Variants in IQSEC1 observed in about 807,000 individuals in gnomAD.
IQSEC1 encodes the protein IQ motif and Sec7 domain ArfGEF 1, also known as IQ motif and SEC7 domain-containing protein 1.
IQSEC1 carries 31 observed loss-of-function variants against 91.0 expected under a neutral mutation model. The ratio of observed to expected loss-of-function variants is 0.34; its 90% CI spans 0.26 to 0.46. IQSEC1 has a LOEUF of 0.46. IQSEC1 is among the 20% of genes least tolerant of loss of function. The probability of loss-of-function intolerance (pLI) is 1.00; values close to 1 mark genes in which losing one functional copy is unlikely to be tolerated. For missense variants in IQSEC1, 1,388 were observed against 1,575.6 expected, an observed-to-expected ratio of 0.88 and a Z score of 2.02; for synonymous variants, 699 against 662.6, an observed-to-expected ratio of 1.05 and a Z score of -0.84.
At chr3:13,094,006 G>A (rs1035348756) in intron 2 of IQSEC1, among the ~76,000 whole-genome samples, 2 of 152,152 alleles carry the variant, frequency 1.3e-5, no homozygotes, top group Non-Finnish European at 2.9e-5. Flanking sequence ...TTCCGGCTGG[G>A]GCCACTGAAC....
chr3:13,278,767 C>T (rs533166869), intron 1 of IQSEC1, among the ~76,000 whole-genome samples: 3 of 149,076 alleles, frequency 2.0e-5, no homozygotes, highest in East Asian at 2.0e-4. Context: ...TTCAGTGAGC[C>T]GAGATCACAT....
intron 1 of IQSEC1, among the ~76,000 whole-genome samples, chr3:13,256,940 G>A (rs1411684748): frequency 6.6e-6 from 1 of 152,106 alleles, no homozygotes; most frequent in Non-Finnish European, 1.5e-5. Context: ...CCCAAAAACA[G>A]GCCTGGAGCT....
Position 12,922,091 on chromosome 3 carries a change from G to A in IQSEC1, c.1853+29C>T. ...CTGGGGGACACCATTCTTCCCTGAT[G>A]CAGCAGCCCCAGCCAGCCCGGGCCC... On this transcript the variant is annotated intron_variant, in intron 5 of 13. Transcript: ENST00000613206. The surrounding 1 kb of genome is among the most constrained non-coding windows in gnomAD (Gnocchi z 5.1). The A allele has an allele frequency of 6.5e-7, 1 of 1,543,486 alleles. No homozygotes were observed. Among genetic ancestry groups the A allele is most frequent in the Non-Finnish European group, 8.8e-7 (1 of 1,138,030 alleles).
intron 1 of IQSEC1, among the ~76,000 whole-genome samples, chr3:13,172,445 A>G (rs1186300030): frequency 6.6e-6 from 1 of 152,232 alleles, no homozygotes; most frequent in African/African-American, 2.4e-5. Flanking sequence ...TGGTTCATCC[A>G]GACAATAGTG....
At chr3:13,247,188 A>G (rs1370156264) in intron 1 of IQSEC1, among the ~76,000 whole-genome samples, 1 of 150,904 alleles carries the variant, frequency 6.6e-6, no homozygotes, top group Non-Finnish European at 1.5e-5. Context: ...AACCACCTTC[A>G]CCTCCATCAT....
At chr3:12,938,330 A>G (rs1356259108) in intron 2 of IQSEC1, among the ~76,000 whole-genome samples, 5 of 152,192 alleles carry the variant, frequency 3.3e-5, no homozygotes, top group African/African-American at 1.2e-4. Context: ...AACTGAAATA[A>G]TGCCAAACAG....
At position 12,908,851 on chromosome 3, in the gene IQSEC1, C is replaced by T. The variant is rs921338225; in HGVS notation, c.2579-326G>A. Among the ~76,000 whole-genome samples, 1 of 151,904 alleles carries T rather than the reference C, an allele frequency of 6.6e-6. No individual in the cohort carries two copies. The highest frequency in any genetic ancestry group is 6.6e-5 in the Admixed American group (1 of 15,246). Reference sequence around the variant, plus strand: ...TAGCCAGGGTCTTCCACAGAGAGGGCAGTGGTAGGGAGTCCCATGTGCCTC... The same window carrying T: ...TAGCCAGGGTCTTCCACAGAGAGGGTAGTGGTAGGGAGTCCCATGTGCCTC... On this transcript the variant is annotated intron_variant, in intron 11 of 13. Coordinates refer to ENST00000613206, the MANE Select transcript of IQSEC1 (RefSeq NM_001134382.3). The surrounding 1 kb of genome is among the most constrained non-coding windows in gnomAD (Gnocchi z 4.9).
At chr3:13,185,119 T>A (rs1020278527) in intron 1 of IQSEC1, among the ~76,000 whole-genome samples, 4 of 152,198 alleles carry the variant, frequency 2.6e-5, no homozygotes, top group Admixed American at 2.6e-4. Flanking sequence ...TTGTAAAGGT[T>A]CTGTGAGTGG....
intron 1 of IQSEC1, among the ~76,000 whole-genome samples, chr3:13,203,836 C>G (rs1247849452): frequency 6.6e-6 from 1 of 152,238 alleles, no homozygotes; most frequent in African/African-American, 2.4e-5. Context: ...CATGGTTCCT[C>G]ACATTTACTG....
chr3:12,922,070 G>C lies in IQSEC1; in HGVS notation c.1853+50C>G. 1 of 1,520,066 alleles carries C rather than the reference G, an allele frequency of 6.6e-7. No homozygotes were observed. Among genetic ancestry groups the C allele is most frequent in the Non-Finnish European group, 8.9e-7 (1 of 1,125,802 alleles). 94.2% of individuals were successfully genotyped at this position (1,520,066 alleles called of 1,614,324 possible). A position where few individuals can be genotyped will look rare whatever the true frequency, so the allele number is the denominator to read the frequency against. On this transcript the variant is annotated intron_variant, in intron 5 of 13. Transcript: ENST00000613206. This position sits in a 1 kb window ranked among gnomAD's most constrained non-coding sequence, Gnocchi z 5.1. ...GTCCATCCTCGGGCCCTGAAGCTGGGGGACACCATTCTTCCCTGATGCAGC... is the reference window on the plus strand; with the variant it reads ...GTCCATCCTCGGGCCCTGAAGCTGGCGGACACCATTCTTCCCTGATGCAGC...
At chr3:13,106,059 G>A (rs891341060) in intron 2 of IQSEC1, among the ~76,000 whole-genome samples, 2 of 152,106 alleles carry the variant, frequency 1.3e-5, no homozygotes, top group African/African-American at 4.8e-5. Context: ...ACCAATAGAG[G>A]GAGCCTGGGT....
chr3:13,175,502 T>G (rs919296462), intron 1 of IQSEC1, among the ~76,000 whole-genome samples: 2 of 152,046 alleles, frequency 1.3e-5, no homozygotes, highest in African/African-American at 4.8e-5. Context: ...GCACGCTGAG[T>G]CCCTCAATGG....
intron 1 of IQSEC1, among the ~76,000 whole-genome samples, chr3:13,245,910 A>G (rs1204471577): frequency 3.3e-5 from 5 of 152,164 alleles, no homozygotes; most frequent in African/African-American, 1.2e-4. Context: ...TTTGTGGCAC[A>G]CTGCCGGGGA....
chr3:13,162,246 T>G (rs1196809129), intron 2 of IQSEC1, among the ~76,000 whole-genome samples: 1 of 152,178 alleles, frequency 6.6e-6, no homozygotes, highest in Admixed American at 6.5e-5. Flanking sequence ...GCTGCCTTCT[T>G]GGAAGACAGA....
chr3:13,063,578 T>C (rs1705140574), intron 1 of IQSEC1, among the ~76,000 whole-genome samples: 1 of 152,186 alleles, frequency 6.6e-6, no homozygotes, highest in African/African-American at 2.4e-5. Flanking sequence ...GGGCTGGGGC[T>C]GGGGCCCCGG....
At chr3:13,141,267 C>T (rs1431972503) in intron 2 of IQSEC1, among the ~76,000 whole-genome samples, 3 of 152,136 alleles carry the variant, frequency 2.0e-5, no homozygotes, top group Non-Finnish European at 4.4e-5. Flanking sequence ...AGGATCAGAG[C>T]AATGGAAACG....
intron 1 of IQSEC1, among the ~76,000 whole-genome samples, chr3:13,055,474 C>T (rs376802669): frequency 5.9e-5 from 9 of 152,196 alleles, no homozygotes; most frequent in Admixed American, 1.3e-4. Context: ...ATTCATTTCA[C>T]GCTCAACCAC....
chr3:13,041,949 G>A (rs1236877694), intron 1 of IQSEC1, among the ~76,000 whole-genome samples: 5 of 152,192 alleles, frequency 3.3e-5, no homozygotes, highest in Admixed American at 6.5e-5. Context: ...CAAGTGTACC[G>A]GGAAAGAGCA....
chr3:13,266,896 G>C (rs893646679), intron 1 of IQSEC1, among the ~76,000 whole-genome samples: 12 of 152,200 alleles, frequency 7.9e-5, no homozygotes, highest in African/African-American at 2.9e-4. Context: ...ACCAGGCTAT[G>C]AAGTGGACGG....
Sources: allele counts gnomAD v4.1 joint callset (sites outside exome capture counted in the v4.1 genomes callset), GRCh38; gene constraint gnomAD v4.1.1; non-coding constraint Gnocchi (gnomAD v3.1); transcripts MANE v1.5; gene names NCBI Gene and HGNC (gene_info 2026-07-23, HGNC 2026-07-21).